ACOXL: variants seen among roughly 807,000 people sequenced by gnomAD.
ACOXL encodes acyl-coenzyme A oxidase-like protein.
Under a neutral mutation model 71.9 loss-of-function variants are expected in ACOXL, and 70 were observed. That is an observed-to-expected ratio of 0.97 (90% CI 0.80 to 1.19). The LOEUF is 1.19. Among genes scored for constraint, ACOXL ranks in the 50% most tolerant of loss-of-function variants. ACOXL has a pLI of 0.00. For synonymous variants in ACOXL, 253 were observed against 281.6 expected (o/e 0.90, Z 1.02); for missense variants, 703 against 736.3 (o/e 0.95, Z 0.52).
intron 14 of ACOXL, among the ~76,000 whole-genome samples, chr2:111,015,029 A>G (rs560450281): frequency 1.3e-5 from 2 of 152,366 alleles, no homozygotes; most frequent in Non-Finnish European, 2.9e-5. Flanking sequence ...AAGAAAACAT[A>G]GGAGAATATC....
At chr2:110,870,015 G>T (rs566144413) in intron 10 of ACOXL, among the ~76,000 whole-genome samples, 1 of 152,274 alleles carries the variant, frequency 6.6e-6, no homozygotes, top group Admixed American at 6.5e-5. Flanking sequence ...TTTAGAAAAC[G>T]TGGGTGATTC....
At chr2:111,017,872 G>T (rs1038372) in intron 14 of ACOXL, 2 of 152,028 alleles carry the variant, frequency 1.3e-5, no homozygotes, top group East Asian at 1.9e-4. Flanking sequence ...ATATTGTTTC[G>T]CTCCTTACTG....
intron 2 of ACOXL, among the ~76,000 whole-genome samples, chr2:110,783,077 G>A (rs1407420396): frequency 6.6e-6 from 1 of 152,182 alleles, no homozygotes; most frequent in Admixed American, 6.5e-5. Context: ...GAAACCTGAA[G>A]CTCCGGATTC....
At position 110,842,039 on chromosome 2, in the gene ACOXL, G is replaced by T. The variant is rs963428509; in HGVS notation, c.788+634G>T. 2.0e-5 allele frequency among the ~76,000 whole-genome samples: 3 copies of T among 152,196 alleles called. No homozygotes were observed. In the East Asian group the frequency reaches 5.8e-4, roughly 29 times the overall value. On this transcript the variant is annotated intron_variant, in intron 10 of 17. Coordinates refer to ENST00000439055, the MANE Select transcript of ACOXL (RefSeq NM_001142807.4). ...TGTCCTTACAAAAACTGTGCTCACA[G>T]CCTCCCAAAGTGCCACCCTGTGGTC...
chr2:110,793,907 G>C (rs1479259105), intron 4 of ACOXL, among the ~76,000 whole-genome samples, 169 bp from the exon 5 acceptor site: 1 of 152,100 alleles, frequency 6.6e-6, no homozygotes, highest in Non-Finnish European at 1.5e-5. Flanking sequence ...ATGTTGCATT[G>C]GGCCTGTCAT....
chr2:111,047,616 A>G (rs2066080639), intron 15 of ACOXL, among the ~76,000 whole-genome samples: 2 of 152,238 alleles, frequency 1.3e-5, no homozygotes, highest in Admixed American at 6.5e-5. Flanking sequence ...AGGCAGGTGT[A>G]TTCTGAATGA....
chr2:110,936,214 TC>T (rs1340355028), intron 12 of ACOXL, among the ~76,000 whole-genome samples: 1 of 152,074 alleles, frequency 6.6e-6, no homozygotes, highest in Non-Finnish European at 1.5e-5. Flanking sequence ...CCATAAGTCT[TC>T]CCCCAACTTT....
At chr2:110,830,825 G>A (rs1056059390) in intron 9 of ACOXL, among the ~76,000 whole-genome samples, 14 of 152,234 alleles carry the variant, frequency 9.2e-5, no homozygotes, top group African/African-American at 2.4e-4. Context: ...GAGCCACCGC[G>A]CCTGGCCTGG....
intron 17 of ACOXL, among the ~76,000 whole-genome samples, chr2:111,102,357 A>G (rs1029169219): frequency 1.3e-5 from 2 of 152,198 alleles, no homozygotes; most frequent in Non-Finnish European, 2.9e-5. Flanking sequence ...CTCTCATGCT[A>G]TGCCTCACAG....
chr2:110,930,712 C>T lies in ACOXL; in HGVS notation c.906-2777C>T, dbSNP rs549549053. Among the ~76,000 whole-genome samples the T allele has an allele frequency of 7.2e-4, 110 of 152,204 alleles. 1 individual carries two copies. The highest frequency in any genetic ancestry group is 6.8e-3 in the Middle Eastern group (2 of 294). ...CTAATTGAATCATGGGGGCAGTTTC[C>T]GCTATACTCTTCTCATGGTAGTGAA... On this transcript the variant is annotated intron_variant, in intron 11 of 17. Coordinates refer to ENST00000439055, the MANE Select transcript of ACOXL (RefSeq NM_001142807.4).
chr2:110,951,751 C>A (rs2061341279), intron 12 of ACOXL, among the ~76,000 whole-genome samples: 1 of 151,990 alleles, frequency 6.6e-6, no homozygotes, highest in Admixed American at 6.6e-5. Context: ...ACATTTTCTT[C>A]CTTTTAATCT....
chr2:110,762,013 G>A (rs568987820), intron 1 of ACOXL, among the ~76,000 whole-genome samples: 7 of 152,172 alleles, frequency 4.6e-5, no homozygotes, highest in African/African-American at 1.7e-4. Context: ...TTACATATTT[G>A]AGGCTTTGTT....
intron 10 of ACOXL, among the ~76,000 whole-genome samples, chr2:110,891,220 A>G (rs1275400449): frequency 6.6e-6 from 1 of 152,092 alleles, no homozygotes; most frequent in Non-Finnish European, 1.5e-5. Flanking sequence ...GCAAGTAGAG[A>G]TAGAGTTACT....
chr2:111,003,700 T>TA (rs1414869465), intron 14 of ACOXL, among the ~76,000 whole-genome samples: 2 of 152,094 alleles, frequency 1.3e-5, no homozygotes, highest in Non-Finnish European at 2.9e-5. Context: ...AAATGTATTT[T>TA]AAAAAGCACT....
chr2:111,071,771 G>A (rs781509230), intron 16 of ACOXL, among the ~76,000 whole-genome samples: 2 of 152,194 alleles, frequency 1.3e-5, no homozygotes, highest in Non-Finnish European at 2.9e-5. Flanking sequence ...TAAATTGTAG[G>A]CAAACTCCCT....
intron 2 of ACOXL, among the ~76,000 whole-genome samples, chr2:110,774,754 CCA>C (rs1682420726): frequency 6.6e-6 from 1 of 152,190 alleles, no homozygotes; most frequent in Admixed American, 6.5e-5. Context: ...CTAAAGCAAT[CCA>C]CAGTTTCAGT....
At chr2:111,058,168 C>T (rs573751057) in intron 16 of ACOXL, among the ~76,000 whole-genome samples, 2 of 152,200 alleles carry the variant, frequency 1.3e-5, no homozygotes, top group African/African-American at 4.8e-5. Flanking sequence ...AAATTTGGCT[C>T]TCGGAGACTA....
intron 1 of ACOXL, among the ~76,000 whole-genome samples, chr2:110,755,026 G>C (rs1679481812): frequency 6.6e-6 from 1 of 152,114 alleles, no homozygotes; most frequent in Non-Finnish European, 1.5e-5. Context: ...AGGCTTCCTA[G>C]AGAGATCTCT....
At chr2:110,943,159 A>AG (rs1415917548) in intron 12 of ACOXL, among the ~76,000 whole-genome samples, 1 of 109,170 alleles carries the variant, frequency 9.2e-6, no homozygotes, top group Non-Finnish European at 2.2e-5. Context: ...AGAGAAAGAA[A>AG]AAGAAAAAGG....
Sources: allele counts gnomAD v4.1 joint callset (sites outside exome capture counted in the v4.1 genomes callset), GRCh38; gene constraint gnomAD v4.1.1; transcripts MANE v1.5; gene names NCBI Gene and HGNC (gene_info 2026-07-23, HGNC 2026-07-21).